The following ROBO2 variants were observed in gnomAD, a reference collection of about 807,000 sequenced individuals.
The protein encoded by ROBO2 is roundabout homolog 2.
Under a neutral mutation model 160.8 loss-of-function variants are expected in ROBO2, and 53 were observed. The ratio of observed to expected loss-of-function variants is 0.33; its 90% CI spans 0.26 to 0.41. The LOEUF is 0.41. Among genes scored for constraint, ROBO2 ranks in the 10% least tolerant of loss-of-function variants. The pLI is 1.00. For missense variants in ROBO2, 1,577 were observed against 1,722.4 expected (o/e 0.92, Z 1.49); for synonymous variants, 664 against 611.7 (o/e 1.09, Z -1.26).
chr3:76,751,244 T>G (rs2060624321), intron 2 of ROBO2, among the ~76,000 whole-genome samples: 1 of 152,134 alleles, frequency 6.6e-6, no homozygotes, highest in African/African-American at 2.4e-5. Context: ...GCTAGCCATA[T>G]GTAGAAAGCT....
intron 2 of ROBO2, among the ~76,000 whole-genome samples, chr3:76,105,235 TC>T (rs1269928308): frequency 6.6e-6 from 1 of 151,280 alleles, no homozygotes; most frequent in Non-Finnish European, 1.5e-5. Context: ...TGGATATAAA[TC>T]CCCCTATCAC....
intron 8 of ROBO2, among the ~76,000 whole-genome samples, chr3:77,553,101 T>C (rs1484427572): frequency 1.3e-5 from 2 of 151,970 alleles, no homozygotes; most frequent in Non-Finnish European, 2.9e-5. Context: ...GTTGGTGCCA[T>C]TTTACTAACA....
chr3:76,773,196 T>G (rs192023536), intron 2 of ROBO2, among the ~76,000 whole-genome samples: 7 of 151,014 alleles, frequency 4.6e-5, no homozygotes, highest in Admixed American at 1.3e-4. Context: ...TGATTAAATC[T>G]GTCATGAAGG....
intron 2 of ROBO2, among the ~76,000 whole-genome samples, chr3:75,970,884 A>G (rs541222426): frequency 6.6e-6 from 1 of 151,252 alleles, no homozygotes; most frequent in African/African-American, 2.4e-5. Context: ...AACTATTCTC[A>G]TGAATATGAA....
At chr3:76,670,179 C>A (rs760328031) in intron 2 of ROBO2, among the ~76,000 whole-genome samples, 1 of 151,974 alleles carries the variant, frequency 6.6e-6, no homozygotes, top group African/African-American at 2.4e-5. Flanking sequence ...GTTATAAATT[C>A]TTTATAAAAC....
At chr3:77,424,118 A>T (rs541838566) in intron 2 of ROBO2, among the ~76,000 whole-genome samples, 2 of 152,332 alleles carry the variant, frequency 1.3e-5, no homozygotes, top group South Asian at 4.1e-4. Flanking sequence ...ACTAAAAATC[A>T]TCTAAAATTA....
At chr3:76,905,574 C>G (rs564194312) in intron 2 of ROBO2, among the ~76,000 whole-genome samples, 1 of 152,100 alleles carries the variant, frequency 6.6e-6, no homozygotes, top group South Asian at 2.1e-4. Flanking sequence ...ATTTTCAGAC[C>G]TCTCCTTCAG....
intron 2 of ROBO2, among the ~76,000 whole-genome samples, chr3:77,179,830 C>T (rs768914915): frequency 3.3e-5 from 5 of 152,022 alleles, no homozygotes; most frequent in Admixed American, 6.6e-5. Context: ...TGCTAGGGTG[C>T]GGTTAAACTG....
At chr3:76,800,677 A>T (rs973857226) in intron 2 of ROBO2, among the ~76,000 whole-genome samples, 4 of 152,222 alleles carry the variant, frequency 2.6e-5, no homozygotes, top group Admixed American at 2.6e-4. Flanking sequence ...GTGAGCTACC[A>T]TCTCACCCCA....
intron 2 of ROBO2, among the ~76,000 whole-genome samples, chr3:76,152,203 C>G (rs1302195986): frequency 6.6e-6 from 1 of 152,154 alleles, no homozygotes; most frequent in Non-Finnish European, 1.5e-5. Context: ...GGCTATCTCC[C>G]TAGTGATAGG....
At chr3:76,197,774 T>A (rs1702330898) in intron 2 of ROBO2, among the ~76,000 whole-genome samples, 1 of 152,176 alleles carries the variant, frequency 6.6e-6, no homozygotes, top group African/African-American at 2.4e-5. Context: ...CGAAATAGAA[T>A]TTGAATTCAT....
intron 2 of ROBO2, among the ~76,000 whole-genome samples, chr3:76,737,340 TGTG>T (rs1410541892): frequency 6.6e-6 from 1 of 152,096 alleles, no homozygotes; most frequent in African/African-American, 2.4e-5. Context: ...TATTTTCTGT[TGTG>T]GTGTCTGCTA....
chr3:76,054,710 A>G (rs1376774780), intron 2 of ROBO2, among the ~76,000 whole-genome samples: 1 of 152,228 alleles, frequency 6.6e-6, no homozygotes, highest in African/African-American at 2.4e-5. Context: ...GAGGTCCATA[A>G]TAATTGTTTC....
At chr3:77,422,679 C>A (rs2077818630) in intron 2 of ROBO2, among the ~76,000 whole-genome samples, 1 of 152,108 alleles carries the variant, frequency 6.6e-6, no homozygotes, top group Non-Finnish European at 1.5e-5. Flanking sequence ...TTTGACCTCC[C>A]CTGGTTGGAT....
intron 2 of ROBO2, among the ~76,000 whole-genome samples, chr3:76,911,717 A>G (rs1189247116): frequency 6.6e-6 from 1 of 152,226 alleles, no homozygotes; most frequent in African/African-American, 2.4e-5. Context: ...TCTTAAATAC[A>G]AATTATTTTT....
intron 2 of ROBO2, among the ~76,000 whole-genome samples, chr3:76,152,712 G>A (rs2072257454): frequency 6.6e-6 from 1 of 152,026 alleles, no homozygotes; most frequent in Non-Finnish European, 1.5e-5. Context: ...GGTATATGAA[G>A]ATCTTTGAAA....
At chr3:76,195,378 T>C (rs1263745710) in intron 2 of ROBO2, among the ~76,000 whole-genome samples, 1 of 152,186 alleles carries the variant, frequency 6.6e-6, no homozygotes, top group Admixed American at 6.5e-5. Context: ...TAACAAATCT[T>C]TGCAAAACCA....
At chr3:77,190,418 T>C (rs967515319) in intron 2 of ROBO2, among the ~76,000 whole-genome samples, 7 of 152,004 alleles carry the variant, frequency 4.6e-5, no homozygotes, top group African/African-American at 1.7e-4. Flanking sequence ...ATAAACGATA[T>C]TGTCTGAGTG....
chr3:76,691,615 G>A (rs1340377771), intron 2 of ROBO2, among the ~76,000 whole-genome samples: 3 of 152,124 alleles, frequency 2.0e-5, no homozygotes, highest in Non-Finnish European at 4.4e-5. Flanking sequence ...ATTCAGATGT[G>A]AAGTGGTTCT....
Sources: allele counts gnomAD v4.1 joint callset (sites outside exome capture counted in the v4.1 genomes callset), GRCh38; gene constraint gnomAD v4.1.1; transcripts MANE v1.5; gene names NCBI Gene and HGNC (gene_info 2026-07-23, HGNC 2026-07-21).